PHACTR1: variants seen among roughly 807,000 people sequenced by gnomAD.
PHACTR1 encodes phosphatase and actin regulator 1.
A neutral mutation model predicts 69.2 loss-of-function variants in PHACTR1; 16 were observed. The observed-to-expected ratio is 0.23, with a 90% confidence interval of 0.16 to 0.35. PHACTR1 has a LOEUF of 0.35. PHACTR1 is among the 10% of genes least tolerant of loss of function. The pLI, the probability that PHACTR1 is intolerant of heterozygous loss-of-function variation, is 1.00. For missense variants in PHACTR1, 510 were observed against 734.7 expected (o/e 0.69, Z 3.54); for synonymous variants, 312 against 284.5 (o/e 1.10, Z -0.97).
intron 6 of PHACTR1, among the ~76,000 whole-genome samples, chr6:13,172,103 C>T (rs1382564194): frequency 1.3e-5 from 2 of 152,118 alleles, no homozygotes; most frequent in African/African-American, 4.8e-5. Flanking sequence ...ATGCTAGGCT[C>T]AGTTGGGCTA....
At chr6:13,162,069 A>G (rs1759098063) in intron 6 of PHACTR1, among the ~76,000 whole-genome samples, 1 of 146,172 alleles carries the variant, frequency 6.8e-6, no homozygotes, top group African/African-American at 2.6e-5. Context: ...TGCTGCCTGT[A>G]TGATCCCCCA....
chr6:12,786,416 G>A (rs2127653158), intron 4 of PHACTR1, among the ~76,000 whole-genome samples: 1 of 152,340 alleles, frequency 6.6e-6, no homozygotes, highest in East Asian at 1.9e-4. Context: ...CAAATATGCA[G>A]ATTAATACAG....
At chr6:12,892,548 T>A (rs1784265609) in intron 4 of PHACTR1, among the ~76,000 whole-genome samples, 1 of 152,238 alleles carries the variant, frequency 6.6e-6, no homozygotes, top group East Asian at 1.9e-4. Context: ...GTTGTTGACA[T>A]AATAATATGG....
At chr6:12,870,134 A>C (rs1477524344) in intron 4 of PHACTR1, among the ~76,000 whole-genome samples, 1 of 152,144 alleles carries the variant, frequency 6.6e-6, no homozygotes, top group African/African-American at 2.4e-5. Flanking sequence ...AAAAAAAAAA[A>C]ACTCCAATGC....
intron 5 of PHACTR1, among the ~76,000 whole-genome samples, chr6:13,128,103 AT>A (rs999999489): frequency 1.5e-4 from 22 of 150,206 alleles, no homozygotes; most frequent in African/African-American, 4.9e-4. Flanking sequence ...CATGGGGGTA[AT>A]TATGGGAATT....
At chr6:13,055,531 A>G (rs553800569) in intron 5 of PHACTR1, among the ~76,000 whole-genome samples, 3 of 152,352 alleles carry the variant, frequency 2.0e-5, no homozygotes, top group East Asian at 3.9e-4. Flanking sequence ...AAAAATATAT[A>G]TATATAAAAC....
intron 5 of PHACTR1, among the ~76,000 whole-genome samples, chr6:13,057,951 T>A (rs1807057173): frequency 6.6e-6 from 1 of 152,130 alleles, no homozygotes; most frequent in South Asian, 2.1e-4. Context: ...AAGTCCTGCA[T>A]CACAGGATGG....
At chr6:12,881,751 A>C (rs1783117902) in intron 4 of PHACTR1, among the ~76,000 whole-genome samples, 1 of 152,284 alleles carries the variant, frequency 6.6e-6, no homozygotes, top group African/African-American at 2.4e-5. Context: ...GTCCTAAGTA[A>C]ATGGTACTAA....
chr6:13,023,653 C>T (rs1189301093), intron 4 of PHACTR1, among the ~76,000 whole-genome samples: 1 of 152,206 alleles, frequency 6.6e-6, no homozygotes, highest in Non-Finnish European at 1.5e-5. Context: ...TAGTGAAGCA[C>T]CATCTTCTTT....
intron 4 of PHACTR1, among the ~76,000 whole-genome samples, chr6:12,976,803 T>C (rs1180522752): frequency 6.6e-6 from 1 of 152,218 alleles, no homozygotes; most frequent in Non-Finnish European, 1.5e-5. Context: ...ACTGTCCTGG[T>C]GTCACAGTGC....
chr6:13,231,089 A>AGGAAGGAAGGAG (rs1770934481), intron 10 of PHACTR1, among the ~76,000 whole-genome samples: 1 of 70,504 alleles, frequency 1.4e-5, no homozygotes, highest in South Asian at 4.1e-4. Context: ...GGAAGGAAGA[A>AGGAAGGAAGGAG]GGAAGGAAGG....
chr6:12,851,136 A>G (rs578014018), intron 4 of PHACTR1, among the ~76,000 whole-genome samples: 18 of 152,314 alleles, frequency 1.2e-4, no homozygotes, highest in Non-Finnish European at 2.5e-4. Context: ...AATTATTGCA[A>G]ACTCATACAA....
rs140109520 is a variant in PHACTR1 at position 13,095,749 on chromosome 6, C to CTTTTT, written c.415+42247_415+42251dup. On this transcript the variant is annotated intron_variant, in intron 5 of 14. Transcript: ENST00000332995. ...CTTTAAAGTGAATTATTGTGAAGGG[C>CTTTTT]TTTTTTTTTTTTTTTTTTTTTTTTT... Among the ~76,000 whole-genome samples the CTTTTT allele has an allele frequency of 1.2e-3, 95 of 77,252 alleles. 2 individuals are homozygous for CTTTTT. The highest frequency in any genetic ancestry group is 1.6e-3 in the Non-Finnish European group (73 of 44,516). The allele number at this position is 77,252 out of a possible 152,430, so 50.7% of individuals were successfully genotyped here.
intron 4 of PHACTR1, among the ~76,000 whole-genome samples, chr6:12,966,535 G>T (rs910245336): frequency 6.6e-6 from 1 of 152,144 alleles, no homozygotes; most frequent in Admixed American, 6.5e-5. Context: ...ACCTGACCTT[G>T]TTCTCTAGTT....
chr6:12,890,752 A>G (rs1040162889), intron 4 of PHACTR1, among the ~76,000 whole-genome samples: 4 of 152,186 alleles, frequency 2.6e-5, no homozygotes, highest in African/African-American at 7.2e-5. Flanking sequence ...ACCATTTTTA[A>G]AAACGAACAC....
At chr6:13,240,186 AC>A (rs1772626949) in intron 10 of PHACTR1, among the ~76,000 whole-genome samples, 1 of 152,064 alleles carries the variant, frequency 6.6e-6, no homozygotes, top group Admixed American at 6.6e-5. Context: ...GCACAGCTAT[AC>A]TCAACTGCAG....
chr6:12,904,827 T>C (rs1352718600), intron 4 of PHACTR1, among the ~76,000 whole-genome samples: 1 of 152,186 alleles, frequency 6.6e-6, no homozygotes, highest in East Asian at 1.9e-4. Context: ...TCGCTGCTGC[T>C]TCTTAATCCC....
At chr6:12,885,382 A>G (rs1783539203) in intron 4 of PHACTR1, among the ~76,000 whole-genome samples, 1 of 152,222 alleles carries the variant, frequency 6.6e-6, no homozygotes, top group Admixed American at 6.5e-5. Flanking sequence ...GTAGGCAATT[A>G]TCATTTGACC....
At chr6:12,803,285 G>A (rs1773920445) in intron 4 of PHACTR1, among the ~76,000 whole-genome samples, 2 of 152,146 alleles carry the variant, frequency 1.3e-5, no homozygotes, top group African/African-American at 4.8e-5. Context: ...AGGAGGCTGT[G>A]GCAGGACTGA....
Sources: gnomAD v4.1 joint callset for allele counts (sites outside exome capture counted in the v4.1 genomes callset) on GRCh38, gnomAD v4.1.1 for gene constraint, MANE v1.5 for transcripts, NCBI Gene and HGNC (gene_info 2026-07-23, HGNC 2026-07-21) for gene names.